Variants in PCDHGA10 observed in about 807,000 individuals in gnomAD.
PCDHGA10 encodes protocadherin gamma subfamily A, 10, also known as protocadherin gamma-A10.
In PCDHGA10, 42 loss-of-function variants were observed where a neutral mutation model predicts 59.5. That is an observed-to-expected ratio of 0.71 (90% CI 0.55 to 0.91). The LOEUF is 0.91. PCDHGA10 is among the 40% of genes least tolerant of loss of function. The probability of loss-of-function intolerance (pLI) is 0.00; values close to 1 mark genes in which losing one functional copy is unlikely to be tolerated. For synonymous variants in PCDHGA10, 511 were observed against 517.2 expected, an observed-to-expected ratio of 0.99 and a Z score of 0.16; for missense variants, 1,111 against 1,198.2, an observed-to-expected ratio of 0.93 and a Z score of 1.07.
chr5:141,457,809 C>A (rs1404645915), intron 1 of PCDHGA10, among the ~76,000 whole-genome samples: 1 of 152,180 alleles, frequency 6.6e-6, no homozygotes, highest in Non-Finnish European at 1.5e-5. Flanking sequence ...CTCTTGAGGT[C>A]CCAAGATAAA....
At position 141,482,530 on chromosome 5, in the gene PCDHGA10, C is replaced by CAA. The variant is rs3074545; in HGVS notation, c.2437-12259_2437-12258dup. ...CAGAGTACAGTATGAGACAGACATG[C>CAA]AAAAAAAAAAAAAAAAAAAGATAAT... On this transcript the variant is annotated intron_variant, in intron 1 of 3. Transcript: ENST00000398610. Among the ~76,000 whole-genome samples the CAA allele has an allele frequency of 5.5e-3, 422 of 76,516 alleles. 18 individuals are homozygous for CAA. Among genetic ancestry groups the CAA allele is most frequent in the African/African-American group, 0.016 (343 of 20,862 alleles). The allele number at this position is 76,516 out of a possible 152,430, so 50.2% of individuals were successfully genotyped here.
chr5:141,491,407 G>A lies in PCDHGA10; in HGVS notation c.2437-3400G>A. ...GAAGTGCCTTCAGGGAAACGCAGAC[G>A]GGGACGGGGGTGGAGGGCAGTGCTG... is the stretch of plus-strand genomic sequence containing the variant. On this transcript the variant is annotated intron_variant, in intron 1 of 3. Transcript: ENST00000398610. The surrounding 1 kb of genome is among the most constrained non-coding windows in gnomAD (Gnocchi z 6.9). The A allele has an allele frequency of 6.2e-7, 1 of 1,614,116 alleles. No individual in the cohort carries two copies. The highest frequency in any genetic ancestry group is 8.5e-7 in the Non-Finnish European group (1 of 1,180,000).
At chr5:141,496,076 C>A (rs2099765713) in intron 2 of PCDHGA10, among the ~76,000 whole-genome samples, 1 of 152,010 alleles carries the variant, frequency 6.6e-6, no homozygotes, top group Non-Finnish European at 1.5e-5. Context: ...GCACACACAA[C>A]CCCCCACCCA....
chr5:141,501,290 TACACACACACACACACACAC>T (rs55762287), intron 2 of PCDHGA10, among the ~76,000 whole-genome samples: 1 of 136,162 alleles, frequency 7.3e-6, no homozygotes, highest in Non-Finnish European at 1.6e-5. Flanking sequence ...TATTCCCTTA[TACACACACACACACACACAC>T]ACACACACAC....
In PCDHGA10 at chr5:141,422,644, T is replaced by C. The variant is rs770618826; in HGVS notation, c.2436+7033T>C. 9 of 1,612,266 alleles carry C rather than the reference T, an allele frequency of 5.6e-6. No homozygotes were observed. The Admixed American group carries it at 1.5e-4, about 27-fold the overall frequency. ...AAACAACCCCAGGGGTGCCTCCATC[T>C]TCTCAGTGACCGCCCTCGACCCGGA... On this transcript the variant is annotated intron_variant, in intron 1 of 3. Coordinates refer to ENST00000398610, the MANE Select transcript of PCDHGA10 (RefSeq NM_018913.3).
At chr5:141,501,837 G>C (rs2099811299) in intron 2 of PCDHGA10, among the ~76,000 whole-genome samples, 1 of 152,018 alleles carries the variant, frequency 6.6e-6, no homozygotes, top group Admixed American at 6.5e-5. Flanking sequence ...CCACCTGTTT[G>C]GCCCTCAACC....
At chr5:141,463,610 G>A (rs189991450) in intron 1 of PCDHGA10, among the ~76,000 whole-genome samples, 2 of 151,672 alleles carry the variant, frequency 1.3e-5, no homozygotes, top group Admixed American at 6.6e-5. Flanking sequence ...CACCATGCCC[G>A]GCTAATTTTT....
In PCDHGA10 at chr5:141,476,966, G is replaced by C. The variant is rs780645226; in HGVS notation, c.2437-17841G>C. The C allele has an allele frequency of 1.2e-6, 2 of 1,614,152 alleles. No homozygotes were observed. Among genetic ancestry groups the C allele is most frequent in the Non-Finnish European group, 1.7e-6 (2 of 1,180,032 alleles). On this transcript the variant is annotated intron_variant, in intron 1 of 3. Coordinates refer to ENST00000398610, the MANE Select transcript of PCDHGA10 (RefSeq NM_018913.3). This position sits in a 1 kb window ranked among gnomAD's most constrained non-coding sequence, Gnocchi z 7.6. ...CAACGGTGAAATTATTTACTCCTTCGGCAGCCACAACCGCGCCGGCGTGCG... is the reference window on the plus strand; with the variant it reads ...CAACGGTGAAATTATTTACTCCTTCCGCAGCCACAACCGCGCCGGCGTGCG...
At chr5:141,441,848 T>C (rs1034278597) in intron 1 of PCDHGA10, 2 of 356,906 alleles carry the variant, frequency 5.6e-6, no homozygotes, top group South Asian at 2.4e-5. Context: ...CTCTTGGATA[T>C]GGTGCTGCAC....
intron 1 of PCDHGA10, 91 bp from the exon 2 acceptor site, chr5:141,494,716 C>T (rs1448674271): frequency 3.7e-6 from 6 of 1,604,970 alleles, no homozygotes; most frequent in East Asian, 4.5e-5. Flanking sequence ...TGCCCACTCC[C>T]CTCCTTCTCT....
intron 2 of PCDHGA10, among the ~76,000 whole-genome samples, chr5:141,501,223 T>G (rs1247662371): frequency 6.6e-6 from 1 of 151,280 alleles, no homozygotes; most frequent in African/African-American, 2.4e-5. Flanking sequence ...CTTCCTAGAT[T>G]TCTCAGTTTT....
intron 1 of PCDHGA10, chr5:141,478,479 C>T (rs750055106): frequency 1.9e-6 from 3 of 1,613,550 alleles, no homozygotes; most frequent in Admixed American, 1.7e-5. Context: ...CGCCAGAACA[C>T]GCTGCGGAGC....
At chr5:141,478,322 C>G (rs1360535508) in intron 1 of PCDHGA10, 28 of 1,613,976 alleles carry the variant, frequency 1.7e-5, no homozygotes, top group Non-Finnish European at 2.3e-5. Context: ...CTCACTGTAC[C>G]GAACACCAGG....
chr5:141,466,928 T>TTAG (rs1231908662), intron 1 of PCDHGA10, among the ~76,000 whole-genome samples: 1 of 152,220 alleles, frequency 6.6e-6, no homozygotes, highest in Non-Finnish European at 1.5e-5. Context: ...ATTAGGAATA[T>TTAG]TAGTCCTTTG....
rs757308340 is a variant in PCDHGA10, at chr5:141,487,575, G to A, written c.2437-7232G>A. ...GCACCTATGGCAGGGGAGCCTGTTC[G>A]CCCAAGCTGCCCACCCTCTGATCTT... On this transcript the variant is annotated intron_variant, in intron 1 of 3. Coordinates refer to ENST00000398610, the MANE Select transcript of PCDHGA10 (RefSeq NM_018913.3). This position sits in a 1 kb window ranked among gnomAD's most constrained non-coding sequence, Gnocchi z 5.0. The A allele has an allele frequency of 3.1e-6, 5 of 1,614,018 alleles. No homozygotes were observed. In the African/African-American group the frequency reaches 4.0e-5, roughly 13 times the overall value.
At chr5:141,438,571 T>TATAC (rs1212381177) in intron 1 of PCDHGA10, among the ~76,000 whole-genome samples, 15 of 94,542 alleles carry the variant, frequency 1.6e-4, no homozygotes, top group South Asian at 1.0e-3. Flanking sequence ...AGCTGTCTGA[T>TATAC]ATACATACAT....
Position 141,428,104 on chromosome 5 carries a change from T to C in PCDHGA10, c.2436+12493T>C, listed in dbSNP as rs751953406. ...AACGCTTGGCTGTCCTACCACGTGCTGCAGGCCATCGAGCCCGGGCTTTTC... is the reference window on the plus strand; with the variant it reads ...AACGCTTGGCTGTCCTACCACGTGCCGCAGGCCATCGAGCCCGGGCTTTTC... On this transcript the variant is annotated intron_variant, in intron 1 of 3. Coordinates refer to ENST00000398610, the MANE Select transcript of PCDHGA10 (RefSeq NM_018913.3). The C allele has an allele frequency of 1.9e-6, 3 of 1,608,398 alleles. No individual in the cohort carries two copies. The South Asian group carries it at 3.3e-5, about 18-fold the overall frequency.
rs374181150 is a variant in PCDHGA10, at chr5:141,477,134, G to C, written c.2437-17673G>C. The C allele has an allele frequency of 2.5e-5, 41 of 1,614,092 alleles. No homozygotes were observed. Among genetic ancestry groups the C allele is most frequent in the Non-Finnish European group, 3.4e-5 (40 of 1,180,056 alleles). ...CGAAGGAGCACATTGCAAAGTGTTG[G>C]TGGAGGTTGTGGATGTGAATGACAA... is the stretch of plus-strand genomic sequence containing the variant. On this transcript the variant is annotated intron_variant, in intron 1 of 3. Coordinates refer to ENST00000398610, the MANE Select transcript of PCDHGA10 (RefSeq NM_018913.3). The surrounding 1 kb of genome is among the most constrained non-coding windows in gnomAD (Gnocchi z 4.9).
chr5:141,494,914 A>G (rs906245656), intron 2 of PCDHGA10, 49 bp downstream of exon 2: 5 of 1,613,708 alleles, frequency 3.1e-6, no homozygotes, highest in Admixed American at 1.7e-5. Context: ...GCATTTTCTC[A>G]GGGATGACGT....
Sources: gnomAD v4.1 joint callset for allele counts (sites outside exome capture counted in the v4.1 genomes callset) on GRCh38, gnomAD v4.1.1 for gene constraint, Gnocchi (gnomAD v3.1) non-coding constraint, MANE v1.5 for transcripts, NCBI Gene and HGNC (gene_info 2026-07-23, HGNC 2026-07-21) for gene names.